The following KALRN variants were observed in gnomAD, a reference collection of about 807,000 sequenced individuals.
KALRN encodes the protein kalirin.
KALRN carries 70 observed loss-of-function variants against 353.7 expected under a neutral mutation model. The ratio of observed to expected loss-of-function variants is 0.20; its 90% CI spans 0.16 to 0.24. The LOEUF is 0.24. KALRN is among the 10% of genes least tolerant of loss of function. The probability of loss-of-function intolerance (pLI) is 1.00; values close to 1 mark genes in which losing one functional copy is unlikely to be tolerated. For synonymous variants in KALRN, 1,391 were observed against 1,434.8 expected (o/e 0.97, Z 0.69); for missense variants, 2,791 against 3,756.7 (o/e 0.74, Z 6.72).
At chr3:124,700,082 C>T in intron 56 of KALRN, 49 bp downstream of exon 56, 1 of 1,589,396 alleles carries the variant, frequency 6.3e-7, no homozygotes, top group African/African-American at 1.3e-5. Flanking sequence ...ATTGAGGCAC[C>T]TGGCTGCCTG....
At chr3:124,707,926 A>G (rs948673082) in intron 57 of KALRN, among the ~76,000 whole-genome samples, 1 of 152,252 alleles carries the variant, frequency 6.6e-6, no homozygotes, top group Non-Finnish European at 1.5e-5. Context: ...AGGCACATCC[A>G]AAGAAATATA....
intron 34 of KALRN, among the ~76,000 whole-genome samples, chr3:124,626,502 A>T (rs1011476320): frequency 1.1e-4 from 16 of 152,184 alleles, no homozygotes; most frequent in African/African-American, 9.6e-5. Flanking sequence ...GCTTCAGAAA[A>T]TTTTTTTTAA....
rs969228500 is a variant in KALRN at position 124,047,637 on chromosome 3, C to T, written c.73+13824C>T. 8.6e-5 allele frequency among the ~76,000 whole-genome samples: 13 copies of T among 150,760 alleles called. No homozygotes were observed. In the South Asian group the frequency reaches 1.7e-3, roughly 20 times the overall value. The stretch of plus-strand genomic sequence containing the variant: ...CCTCCCAAGTAGCTGCAACTACAGG[C>T]GCCCGCCACCACGCCTGGCTAATTT... On this transcript the variant is annotated intron_variant, in intron 1 of 59. Coordinates refer to ENST00000682506, the MANE Select transcript of KALRN (RefSeq NM_001388419.1).
intron 34 of KALRN, among the ~76,000 whole-genome samples, chr3:124,588,054 C>T (rs1177774100): frequency 1.3e-5 from 2 of 151,926 alleles, no homozygotes; most frequent in Non-Finnish European, 2.9e-5. Flanking sequence ...ATTTTTCTTC[C>T]CTATCTTGAA....
chr3:124,397,286 G>A (rs1046112460), intron 12 of KALRN, among the ~76,000 whole-genome samples: 1 of 152,172 alleles, frequency 6.6e-6, no homozygotes, highest in East Asian at 1.9e-4. Flanking sequence ...AGTAGAAATT[G>A]TGCCTGTATC....
At chr3:124,204,208 CTTATGCTTTTATGAGTCTGTTCA>C (rs1020817943) in intron 1 of KALRN, among the ~76,000 whole-genome samples, 2 of 152,150 alleles carry the variant, frequency 1.3e-5, no homozygotes, top group African/African-American at 2.4e-5. Context: ...TTGTTTTGCT[CTTATGCTTTTATGAGTCTGTTCA>C]TTATGCTTTT....
At chr3:124,507,301 A>T (rs539033410) in intron 33 of KALRN, among the ~76,000 whole-genome samples, 9 of 152,298 alleles carry the variant, frequency 5.9e-5, no homozygotes, top group Middle Eastern at 3.4e-3. Context: ...GCATTAATTT[A>T]AAAAATTCTT....
intron 1 of KALRN, among the ~76,000 whole-genome samples, chr3:124,204,093 A>G (rs2076196576): frequency 6.6e-6 from 1 of 152,174 alleles, no homozygotes; most frequent in Admixed American, 6.5e-5. Context: ...CAACCTCTTC[A>G]AAAATGGGAA....
Position 124,707,431 on chromosome 3 carries a change from T to TTCCTTCCTTCCC in KALRN, c.8075+5326_8075+5327insCTCCTTCCTTCC, listed in dbSNP as rs1553741247. 2.2e-3 allele frequency among the ~76,000 whole-genome samples: 287 copies of TTCCTTCCTTCCC among 133,416 alleles called. 1 individual carries two copies. The East Asian group carries it at 0.022, about 10-fold the overall frequency. 87.5% of individuals were successfully genotyped at this position (133,416 alleles called of 152,430 possible). A position where few individuals can be genotyped will look rare whatever the true frequency, so the allele number is the denominator to read the frequency against. On this transcript the variant is annotated intron_variant, in intron 57 of 59. Transcript: ENST00000682506. ...CTTCCTTCCTTCCTTCCTTCCTTCC[T>TTCCTTCCTTCCC]TCCTTCCTTCCTTCCCTCCTTCCTT...
chr3:124,447,640 C>T (rs1464754110), intron 21 of KALRN, among the ~76,000 whole-genome samples: 2 of 152,178 alleles, frequency 1.3e-5, no homozygotes, highest in Non-Finnish European at 2.9e-5. Flanking sequence ...ATATGCTCTT[C>T]CCAGGTTAAG....
Position 124,717,403 on chromosome 3 carries a change from C to T in KALRN, c.8415+18C>T, listed in dbSNP as rs1185735362. The T allele has an allele frequency of 1.8e-5, 29 of 1,573,434 alleles. No individual in the cohort carries two copies. Among genetic ancestry groups the T allele is most frequent in the South Asian group, 2.4e-5 (2 of 84,566 alleles). On this transcript the variant is annotated intron_variant, in intron 59 of 59. Coordinates refer to ENST00000682506, the MANE Select transcript of KALRN (RefSeq NM_001388419.1). ...ACATAAAGGTAATAAGAAGTGGCAA[C>T]CTGCTGGGCGCAGTGGCTCACGCCT...
chr3:124,385,114 T>C, intron 11 of KALRN, 78 bp downstream of exon 11: 2 of 1,316,990 alleles, frequency 1.5e-6, no homozygotes, highest in Non-Finnish European at 2.1e-6. Context: ...GCCCTGAAGG[T>C]CTGACCAGGG....
At chr3:124,080,550 G>A (rs1057053683) in intron 1 of KALRN, among the ~76,000 whole-genome samples, 3 of 152,188 alleles carry the variant, frequency 2.0e-5, no homozygotes, top group African/African-American at 7.2e-5. Context: ...CATGCAGCAT[G>A]TCCTGGAAAT....
In KALRN at chr3:124,694,732, A is replaced by G. The variant is rs948312672; in HGVS notation, c.7577+229A>G. ...ACGCTGCAGCCTGATGGACACCTGC[A>G]GCAGCACCAGCACACATTTCCCACG... On this transcript the variant is annotated intron_variant, in intron 53 of 59. Transcript: ENST00000682506. Among the ~76,000 whole-genome samples, 10 of 152,382 alleles carry G rather than the reference A, an allele frequency of 6.6e-5. No individual in the cohort carries two copies. In the East Asian group the frequency reaches 7.7e-4, roughly 12 times the overall value.
chr3:124,239,176 T>G (rs1179169354), intron 3 of KALRN, among the ~76,000 whole-genome samples: 2 of 152,318 alleles, frequency 1.3e-5, no homozygotes, highest in Non-Finnish European at 1.5e-5. Context: ...TGTGATCAGC[T>G]GATGAATGTC....
chr3:124,181,823 T>C (rs2073638011), intron 1 of KALRN, among the ~76,000 whole-genome samples: 1 of 152,194 alleles, frequency 6.6e-6, no homozygotes, highest in African/African-American at 2.4e-5. Context: ...ATCTCTTCTC[T>C]GATGGGGAAG....
At chr3:124,204,267 A>C (rs2076213583) in intron 1 of KALRN, among the ~76,000 whole-genome samples, 1 of 152,220 alleles carries the variant, frequency 6.6e-6, no homozygotes, top group South Asian at 2.1e-4. Flanking sequence ...TCTGGCAAAC[A>C]CAATTCTTTA....
intron 33 of KALRN, among the ~76,000 whole-genome samples, chr3:124,535,865 G>A (rs919220121): frequency 1.3e-5 from 2 of 151,812 alleles, no homozygotes; most frequent in East Asian, 1.9e-4. Context: ...TCAGGCACCC[G>A]GCTCCTTCTA....
At chr3:124,528,982 T>C (rs2067814701) in intron 33 of KALRN, among the ~76,000 whole-genome samples, 1 of 152,178 alleles carries the variant, frequency 6.6e-6, no homozygotes, top group African/African-American at 2.4e-5. Context: ...AAATTTAATT[T>C]TGAACATGAC....
Sources: gnomAD v4.1 joint callset for allele counts (sites outside exome capture counted in the v4.1 genomes callset) on GRCh38, gnomAD v4.1.1 for gene constraint, MANE v1.5 for transcripts, NCBI Gene and HGNC (gene_info 2026-07-23, HGNC 2026-07-21) for gene names.